The following PCDHA6 variants were observed in gnomAD, a reference collection of about 807,000 sequenced individuals.
The protein encoded by PCDHA6 is protocadherin alpha 6.
PCDHA6 carries 55 observed loss-of-function variants against 60.3 expected under a neutral mutation model. That is an observed-to-expected ratio of 0.91 (90% CI 0.73 to 1.14). The LOEUF (loss-of-function observed/expected upper bound fraction) is 1.14, where lower values mean the gene tolerates loss of function less well. Among genes scored for constraint, PCDHA6 ranks in the 50% most tolerant of loss-of-function variants. PCDHA6 has a pLI of 0.00. For synonymous variants in PCDHA6, 652 were observed against 557.9 expected (o/e 1.17, Z -2.38); for missense variants, 1,327 against 1,256.5 (o/e 1.06, Z -0.85).
intron 1 of PCDHA6, among the ~76,000 whole-genome samples, chr5:140,950,430 A>T (rs1312660380): frequency 6.6e-6 from 1 of 151,876 alleles, no homozygotes; most frequent in Admixed American, 6.6e-5. Context: ...TCTTCCACTT[A>T]AAAAAAATGT....
intron 1 of PCDHA6, among the ~76,000 whole-genome samples, chr5:140,894,001 G>A (rs2064275871): frequency 6.6e-6 from 1 of 152,098 alleles, no homozygotes; most frequent in African/African-American, 2.4e-5. Context: ...CAATTGTATG[G>A]TTGGTTCAAA....
At position 140,829,467 on chromosome 5, in the gene PCDHA6, A is replaced by G; in HGVS notation, c.1376A>G (p.Glu459Gly). 3.7e-6 allele frequency: 6 copies of G among 1,613,844 alleles called. No homozygotes were observed. The highest frequency in any genetic ancestry group is 5.1e-6 in the Non-Finnish European group (6 of 1,180,024). ...AATGCTCCGGCGTTCGCGCAGCCCGAGTACACAGTGTTCGTGAAGGAGAAC... is the reference window on the plus strand; with the variant it reads ...AATGCTCCGGCGTTCGCGCAGCCCGGGTACACAGTGTTCGTGAAGGAGAAC... ...NDNAPAFAQP[E>G]YTVFVKENNP... Residue 459 changes from glutamate (E) to glycine (G), a missense_variant, in exon 1 of 4, where the codon GAG becomes GGG. Coordinates refer to ENST00000529310, the MANE Select transcript of PCDHA6 (RefSeq NM_018909.4).
At chr5:140,883,162 C>A (rs782797002) in intron 1 of PCDHA6, 8 of 1,613,690 alleles carry the variant, frequency 5.0e-6, no homozygotes, top group Non-Finnish European at 5.1e-6. Context: ...TAAATCCGAA[C>A]AATGGAGAAA....
At chr5:140,935,363 C>T (rs1005942314) in intron 1 of PCDHA6, among the ~76,000 whole-genome samples, 3 of 152,180 alleles carry the variant, frequency 2.0e-5, no homozygotes, top group African/African-American at 7.2e-5. Flanking sequence ...TTTTCATTAA[C>T]GTCAACAGAA....
intron 1 of PCDHA6, chr5:140,851,337 C>A: frequency 1.0e-6 from 1 of 979,030 alleles, no homozygotes; most frequent in Non-Finnish European, 1.2e-6. Flanking sequence ...TAGTTCTCTA[C>A]ATTTCTCTGG....
intron 1 of PCDHA6, chr5:140,835,466 G>C: frequency 6.2e-7 from 1 of 1,613,902 alleles, no homozygotes. Flanking sequence ...CTATTCCAGA[G>C]GACGCCCAAC....
intron 1 of PCDHA6, among the ~76,000 whole-genome samples, chr5:140,950,402 G>A (rs1459486068): frequency 6.6e-6 from 1 of 151,846 alleles, no homozygotes; most frequent in African/African-American, 2.4e-5. Context: ...AATTCTGGGG[G>A]ATTGACAGAT....
intron 1 of PCDHA6, 155 bp downstream of exon 1, chr5:140,830,640 C>T (rs1455236504): frequency 8.1e-6 from 4 of 493,148 alleles, no homozygotes; most frequent in African/African-American, 4.1e-5. Flanking sequence ...AATCTCTTTG[C>T]TTCTTTAATA....
At chr5:140,929,298 A>G (rs1554206937) in intron 1 of PCDHA6, 26 of 1,591,722 alleles carry the variant, frequency 1.6e-5, no homozygotes, top group Non-Finnish European at 2.1e-5. Context: ...GGAATAGGAA[A>G]GGGGATCACG....
intron 1 of PCDHA6, among the ~76,000 whole-genome samples, chr5:140,874,668 A>G (rs1424174427): frequency 6.6e-6 from 1 of 152,238 alleles, no homozygotes; most frequent in African/African-American, 2.4e-5. Context: ...TCCAGAATCT[A>G]TTCCTGAGAT....
chr5:140,835,340 A>G (rs1371030036), intron 1 of PCDHA6: 2 of 1,613,678 alleles, frequency 1.2e-6, no homozygotes, highest in Admixed American at 1.7e-5. Context: ...ACAAGATCCC[A>G]GTCGAGGCTG....
chr5:140,934,511 T>G (rs999288213), intron 1 of PCDHA6, among the ~76,000 whole-genome samples: 1 of 152,210 alleles, frequency 6.6e-6, no homozygotes. Context: ...AAAGGGTCCA[T>G]AGACCACACT....
At chr5:140,922,002 A>G (rs138196210) in intron 1 of PCDHA6, among the ~76,000 whole-genome samples, 100 of 152,130 alleles carry the variant, frequency 6.6e-4, no homozygotes, top group Admixed American at 1.6e-3. Flanking sequence ...CAATGAAATG[A>G]TTAGTTTAAA....
At chr5:140,870,293 T>C in intron 1 of PCDHA6, 1 of 1,614,182 alleles carries the variant, frequency 6.2e-7, no homozygotes, top group Non-Finnish European at 8.5e-7. Context: ...TTCAAGCTGG[T>C]GTCCACCTTC....
intron 1 of PCDHA6, among the ~76,000 whole-genome samples, chr5:140,875,022 C>A (rs1267699693): frequency 1.3e-5 from 2 of 152,116 alleles, no homozygotes; most frequent in Non-Finnish European, 2.9e-5. Context: ...TAGGTTCTGG[C>A]CTACTGTATT....
intron 1 of PCDHA6, 81 bp from the exon 2 acceptor site, chr5:140,978,868 G>A: frequency 6.2e-7 from 1 of 1,606,078 alleles, no homozygotes; most frequent in Non-Finnish European, 8.5e-7. Context: ...ATATTTAAGG[G>A]AGTAACTAAT....
At chr5:140,959,230 A>C (rs776449475) in intron 1 of PCDHA6, among the ~76,000 whole-genome samples, 13 of 152,092 alleles carry the variant, frequency 8.5e-5, no homozygotes, top group Non-Finnish European at 1.0e-4. Context: ...TACAAAAATT[A>C]TCTGGGCATG....
chr5:140,939,499 A>G (rs1467638389), intron 1 of PCDHA6, among the ~76,000 whole-genome samples: 1 of 152,234 alleles, frequency 6.6e-6, no homozygotes, highest in African/African-American at 2.4e-5. Flanking sequence ...TATAAATTCA[A>G]TGTCTATAAC....
intron 1 of PCDHA6, chr5:140,869,236 G>C (rs781873875): frequency 1.2e-6 from 2 of 1,613,674 alleles, no homozygotes; most frequent in South Asian, 2.2e-5. Flanking sequence ...CGGCACCTTC[G>C]TGGGCCGCAT....
Sources: allele counts gnomAD v4.1 joint callset (sites outside exome capture counted in the v4.1 genomes callset), GRCh38; gene constraint gnomAD v4.1.1; transcripts MANE v1.5; gene names NCBI Gene and HGNC (gene_info 2026-07-23, HGNC 2026-07-21).